PARN: variants seen among roughly 807,000 people sequenced by gnomAD.
The protein encoded by PARN is poly(A)-specific ribonuclease PARN.
In PARN, 71 loss-of-function variants were observed where a neutral mutation model predicts 102.8. That is an observed-to-expected ratio of 0.69 (90% CI 0.57 to 0.84). The LOEUF (loss-of-function observed/expected upper bound fraction) is 0.84, where lower values mean the gene tolerates loss of function less well. Among genes scored for constraint, PARN ranks in the 40% least tolerant of loss-of-function variants. The pLI, the probability that PARN is intolerant of heterozygous loss-of-function variation, is 0.00. For synonymous variants in PARN, 261 were observed against 252.9 expected (o/e 1.03, Z -0.30); for missense variants, 782 against 760.9 (o/e 1.03, Z -0.33).
intron 21 of PARN, among the ~76,000 whole-genome samples, chr16:14,537,301 G>A (rs764029340): frequency 3.9e-5 from 6 of 152,154 alleles, no homozygotes; most frequent in Non-Finnish European, 7.4e-5. Flanking sequence ...ACAGACTGGC[G>A]ATGATGTAGA....
At position 14,446,855 on chromosome 16, in the gene PARN, G is replaced by A. The variant is rs199791827; in HGVS notation, c.1864+33C>T. On this transcript the variant is annotated intron_variant, in intron 23 of 23. Coordinates refer to ENST00000437198, the MANE Select transcript of PARN (RefSeq NM_002582.4). The stretch of plus-strand genomic sequence containing the variant: ...TTTCTAGAGCATTTAAATAGTCCAC[G>A]GCCCCAGAACTTCGGCAAGATCCAA... 1.9e-4 allele frequency: 287 copies of A among 1,524,926 alleles called. 1 individual carries two copies. In the African/African-American group the frequency reaches 3.2e-3, roughly 17 times the overall value. The allele number at this position is 1,524,926 out of a possible 1,614,324, so 94.5% of individuals were successfully genotyped here.
chr16:14,450,434 T>C (rs1961399503), intron 22 of PARN, among the ~76,000 whole-genome samples: 1 of 152,178 alleles, frequency 6.6e-6, no homozygotes, highest in Admixed American at 6.5e-5. Context: ...GGAAGAACCC[T>C]CTGAGGATAG....
At chr16:14,567,121 C>T (rs1450042196) in intron 18 of PARN, among the ~76,000 whole-genome samples, 1 of 152,162 alleles carries the variant, frequency 6.6e-6, no homozygotes, top group African/African-American at 2.4e-5. Context: ...TTCTTTTTAT[C>T]ATGGTAACTT....
intron 6 of PARN, among the ~76,000 whole-genome samples, chr16:14,615,900 CAA>C (rs755459165): frequency 1.3e-4 from 11 of 84,310 alleles, no homozygotes; most frequent in African/African-American, 1.3e-4. Context: ...GATTCTGTCT[CAA>C]AAAAAAAAAA....
chr16:14,451,918 G>C (rs1191564417), intron 22 of PARN, among the ~76,000 whole-genome samples: 1 of 142,930 alleles, frequency 7.0e-6, no homozygotes, highest in Admixed American at 7.0e-5. Context: ...AGGCACAGTG[G>C]TGGCATGCCT....
intron 21 of PARN, among the ~76,000 whole-genome samples, chr16:14,510,283 A>G (rs1965115427): frequency 6.6e-6 from 1 of 152,238 alleles, no homozygotes; most frequent in Non-Finnish European, 1.5e-5. Context: ...AAACTGCAGA[A>G]AAACTGAGTA....
intron 16 of PARN, 120 bp from the exon 17 acceptor site, chr16:14,582,411 TC>T (rs1969589611): frequency 1.5e-6 from 1 of 685,514 alleles, no homozygotes; most frequent in African/African-American, 1.8e-5. Context: ...AAAAAAGCTA[TC>T]TATTCCTTAA....
rs143871967 is a variant in PARN at position 14,625,296 on chromosome 16, G to A, written c.327+1810C>T. 8.4e-3 allele frequency among the ~76,000 whole-genome samples: 1,270 copies of A among 151,984 alleles called. 21 individuals carry two copies. The highest frequency in any genetic ancestry group is 0.029 in the African/African-American group (1,187 of 41,446). On this transcript the variant is annotated intron_variant, in intron 5 of 23. Coordinates refer to ENST00000437198, the MANE Select transcript of PARN (RefSeq NM_002582.4). ...GCAGATCACCTGGGGTCGAGAGTTC[G>A]AGACCAGCCTGATCAACATGGAGAA... is the stretch of plus-strand genomic sequence containing the variant.
intron 22 of PARN, among the ~76,000 whole-genome samples, chr16:14,475,691 T>C (rs1415010728): frequency 6.6e-6 from 1 of 152,212 alleles, no homozygotes; most frequent in Non-Finnish European, 1.5e-5. Flanking sequence ...TCAGAGTCAA[T>C]TCTCTAAAGC....
At chr16:14,613,285 G>C (rs1211192544) in intron 6 of PARN, among the ~76,000 whole-genome samples, 3 of 149,846 alleles carry the variant, frequency 2.0e-5, no homozygotes, top group Non-Finnish European at 3.0e-5. Flanking sequence ...CTCCAGCCTG[G>C]GCAACAAGGG....
At chr16:14,619,237 A>G (rs1240954337) in intron 5 of PARN, among the ~76,000 whole-genome samples, 2 of 152,064 alleles carry the variant, frequency 1.3e-5, no homozygotes, top group East Asian at 3.9e-4. Flanking sequence ...GTTCCCAATA[A>G]TAAGCCTTAC....
intron 10 of PARN, 124 bp from the exon 11 acceptor site, chr16:14,604,350 T>C (rs2151787853): frequency 1.6e-6 from 1 of 633,532 alleles, no homozygotes; most frequent in East Asian, 2.8e-5. Context: ...AAACTCCGCC[T>C]CCTGGGTTCA....
At chr16:14,617,807 T>G (rs552404951) in intron 5 of PARN, among the ~76,000 whole-genome samples, 157 bp from the exon 6 acceptor site, 1 of 152,206 alleles carries the variant, frequency 6.6e-6, no homozygotes, top group East Asian at 1.9e-4. Flanking sequence ...CCACAAACAA[T>G]CCATTAACTT....
chr16:14,524,451 G>C (rs1177434658), intron 21 of PARN, among the ~76,000 whole-genome samples: 2 of 152,174 alleles, frequency 1.3e-5, no homozygotes, highest in African/African-American at 2.4e-5. Context: ...GCAGCATTAA[G>C]AGTGTTCGAT....
At chr16:14,460,370 G>C (rs368848908) in intron 22 of PARN, among the ~76,000 whole-genome samples, 1 of 152,220 alleles carries the variant, frequency 6.6e-6, no homozygotes, top group African/African-American at 2.4e-5. Flanking sequence ...CAAGCACAGA[G>C]TAGGGAGCTG....
At chr16:14,627,032 CA>C in intron 5 of PARN, 73 bp downstream of exon 5, 1 of 881,660 alleles carries the variant, frequency 1.1e-6, no homozygotes. Flanking sequence ...AATAGAGAAC[CA>C]AATTCTGATT....
At chr16:14,602,581 G>C (rs954901871) in intron 11 of PARN, among the ~76,000 whole-genome samples, 3 of 152,310 alleles carry the variant, frequency 2.0e-5, no homozygotes, top group Middle Eastern at 3.4e-3. Flanking sequence ...ATGGTGCCCT[G>C]GTGGCCTTGC....
At chr16:14,496,133 G>A (rs1345868436) in intron 21 of PARN, among the ~76,000 whole-genome samples, 5 of 152,340 alleles carry the variant, frequency 3.3e-5, no homozygotes, top group African/African-American at 7.2e-5. Flanking sequence ...AACAGGGGCC[G>A]AGAGAGGTTG....
intron 22 of PARN, among the ~76,000 whole-genome samples, chr16:14,479,391 A>C (rs2151593102): frequency 6.6e-6 from 1 of 151,980 alleles, no homozygotes; most frequent in African/African-American, 2.4e-5. Flanking sequence ...ACTGTACTCT[A>C]CCCTGGATGA....
Sources: allele counts gnomAD v4.1 joint callset (sites outside exome capture counted in the v4.1 genomes callset), GRCh38; gene constraint gnomAD v4.1.1; transcripts MANE v1.5; gene names NCBI Gene and HGNC (gene_info 2026-07-23, HGNC 2026-07-21).